The following LRRC31 variants were observed in gnomAD, a reference collection of about 807,000 sequenced individuals.
The protein encoded by LRRC31 is leucine-rich repeat-containing protein 31.
Under a neutral mutation model 46.7 loss-of-function variants are expected in LRRC31, and 35 were observed. The ratio of observed to expected loss-of-function variants is 0.75; its 90% confidence interval spans 0.57 to 0.99. The LOEUF (loss-of-function observed/expected upper bound fraction) is 0.99, where lower values mean the gene tolerates loss of function less well. Among genes scored for constraint, LRRC31 ranks in the 50% least tolerant of loss-of-function variants. LRRC31 has a pLI of 0.00. For synonymous variants in LRRC31, 236 were observed against 235.1 expected (o/e 1.00, Z -0.03); for missense variants, 613 against 626.1 (o/e 0.98, Z 0.22).
chr3:169,848,382 A>C (rs1780666349), intron 7 of LRRC31, 95 bp from the exon 8 acceptor site: 7 of 1,121,340 alleles, frequency 6.2e-6, no homozygotes, highest in Non-Finnish European at 7.6e-6. Context: ...CAACACATGA[A>C]TATAACTGGG....
intron 8 of LRRC31, among the ~76,000 whole-genome samples, chr3:169,847,299 C>T (rs1189364295): frequency 6.6e-6 from 1 of 152,224 alleles, no homozygotes; most frequent in African/African-American, 2.4e-5. Flanking sequence ...GATTCTCCTG[C>T]CTCAGCCTCC....
Position 169,856,831 on chromosome 3 carries a change from A to C in LRRC31, c.529T>G (p.Leu177Val). ...CCTCCCACTTTACTGTTCCAAGACA[A>C]ATTTAGCTCTTCAAGTTCAGGAATC... ...EMIPELEELN[L>V]SWNSKVGGNL... The change falls in exon 4 of 9, where the codon TTG (leucine) becomes GTG (valine). Residue 177 changes from leucine to valine, a missense_variant. By Grantham distance (32) the Leu-to-Val change is conservative. Coordinates refer to ENST00000316428, the MANE Select transcript of LRRC31 (RefSeq NM_024727.4). 1.9e-6 allele frequency: 3 copies of C among 1,608,896 alleles called. No individual in the cohort carries two copies. Among genetic ancestry groups the C allele is most frequent in the Non-Finnish European group, 2.5e-6 (3 of 1,177,788 alleles).
chr3:169,856,905 C>T, intron 3 of LRRC31, 33 bp from the exon 4 acceptor site: 2 of 1,576,492 alleles, frequency 1.3e-6, no homozygotes, highest in Non-Finnish European at 1.7e-6. Context: ...TTCTGTTGGT[C>T]ACTAGTCAGA....
intron 1 of LRRC31, among the ~76,000 whole-genome samples, chr3:169,864,331 C>A (rs556869152): frequency 6.6e-6 from 1 of 152,188 alleles, no homozygotes; most frequent in African/African-American, 2.4e-5. Flanking sequence ...CAACAATAAC[C>A]TACAAACTGA....
chr3:169,848,094 C>T lies in LRRC31; in HGVS notation c.1327+26G>A, dbSNP rs202065755. 4.4e-6 allele frequency: 7 copies of T among 1,598,986 alleles called. No individual in the cohort carries two copies. In the Admixed American group the frequency reaches 5.0e-5, roughly 12 times the overall value. ...GCACCCACTGCTCTGTTTGCCAAGA[C>T]CGCTTGGGAACAAGTAGATACACAC... is the stretch of plus-strand genomic sequence containing the variant. On this transcript the variant is annotated intron_variant, in intron 8 of 8. Coordinates refer to ENST00000316428, the MANE Select transcript of LRRC31 (RefSeq NM_024727.4).
intron 8 of LRRC31, among the ~76,000 whole-genome samples, chr3:169,843,308 G>A (rs1326214565): frequency 3.3e-5 from 5 of 152,130 alleles, no homozygotes; most frequent in Non-Finnish European, 7.4e-5. Context: ...GCAAGAAAAC[G>A]GGACCCTCAG....
At chr3:169,848,394 T>A in intron 7 of LRRC31, 107 bp from the exon 8 acceptor site, 1 of 961,852 alleles carries the variant, frequency 1.0e-6, no homozygotes, top group South Asian at 1.9e-5. Context: ...ATAACTGGGG[T>A]TGAGAAAGTT....
At position 169,858,190 on chromosome 3, in the gene LRRC31, C is replaced by T. The variant is rs149963210; in HGVS notation, c.488-1318G>A. ...GATAGAGTATGGGTGATAGGTAAGC[C>T]CCTCCTGATGGGAGAGGATGCAGAA... On this transcript the variant is annotated intron_variant, in intron 3 of 8. Coordinates refer to ENST00000316428, the MANE Select transcript of LRRC31 (RefSeq NM_024727.4). 1.8e-3 allele frequency among the ~76,000 whole-genome samples: 269 copies of T among 152,232 alleles called. 4 individuals are homozygous for T. The highest frequency in any genetic ancestry group is 6.3e-3 in the African/African-American group (263 of 41,534).
At position 169,867,051 on chromosome 3, in the gene LRRC31, G is replaced by GT. The variant is rs1426034836; in HGVS notation, c.175+2581dup. 1.1e-3 allele frequency among the ~76,000 whole-genome samples: 108 copies of GT among 97,502 alleles called. 2 individuals carry two copies. Among genetic ancestry groups the GT allele is most frequent in the African/African-American group, 9.0e-3 (105 of 11,614 alleles). 64.0% of individuals were successfully genotyped at this position (97,502 alleles called of 152,430 possible). A position where few individuals can be genotyped will look rare whatever the true frequency, so the allele number is the denominator to read the frequency against. The stretch of plus-strand genomic sequence containing the variant: ...AATTGGCCATGGGTTTTTTTTGTTT[G>GT]TTTGTTTGTTTTTTTTTTTTTGAGG... On this transcript the variant is annotated intron_variant, in intron 1 of 8. Transcript: ENST00000316428.
intron 7 of LRRC31, among the ~76,000 whole-genome samples, chr3:169,850,310 G>A (rs542168104): frequency 5.9e-5 from 9 of 152,224 alleles, no homozygotes; most frequent in East Asian, 1.9e-4. Context: ...TGCTCAGCTC[G>A]AGTATTTTGC....
intron 6 of LRRC31, among the ~76,000 whole-genome samples, chr3:169,852,097 T>A (rs1780793846): frequency 6.6e-6 from 1 of 152,034 alleles, no homozygotes; most frequent in Admixed American, 6.6e-5. Context: ...TTCTCAACTC[T>A]AATACTCTTA....
intron 8 of LRRC31, among the ~76,000 whole-genome samples, chr3:169,847,474 C>T (rs1273316090): frequency 6.6e-6 from 1 of 152,208 alleles, no homozygotes; most frequent in Non-Finnish European, 1.5e-5. Flanking sequence ...CGTGAGCCAC[C>T]GTGCCCAGAC....
intron 6 of LRRC31, 39 bp from the exon 7 acceptor site, chr3:169,851,825 T>C (rs1215287425): frequency 1.7e-5 from 27 of 1,599,748 alleles, no homozygotes; most frequent in Non-Finnish European, 2.3e-5. Context: ...TTAGGCACCA[T>C]CTCACAGGGA....
chr3:169,862,823 G>A (rs2108226868), intron 1 of LRRC31, among the ~76,000 whole-genome samples: 1 of 151,952 alleles, frequency 6.6e-6, no homozygotes, highest in Middle Eastern at 3.4e-3. Flanking sequence ...ATTTTATTGA[G>A]CACCTGTTAT....
At chr3:169,861,070 C>CTTTTTTTTTTTTT (rs11337221) in intron 2 of LRRC31, among the ~76,000 whole-genome samples, 3 of 125,012 alleles carry the variant, frequency 2.4e-5, no homozygotes, top group African/African-American at 9.1e-5. Context: ...TTTTCTTTTC[C>CTTTTTTTTTTTTT]TTTTTTTTTT....
Position 169,856,844 on chromosome 3 carries a change from A to G in LRRC31, c.516T>C (p.Leu172=). 1 of 1,610,456 alleles carries G rather than the reference A, an allele frequency of 6.2e-7. No individual in the cohort carries two copies. The highest frequency in any genetic ancestry group is 2.2e-5 in the East Asian group (1 of 44,682). The part of the protein sequence containing the change: ...LGEAFEMIPE[L]EELNLSWNSK... ...TGTTCCAAGACAAATTTAGCTCTTC[A>G]AGTTCAGGAATCATCTCAAATGCTT... Residue 172 remains leucine (L), a synonymous_variant, in exon 4 of 9, where the codon CTT becomes CTC. Transcript: ENST00000316428.
Position 169,853,656 on chromosome 3 carries a change from A to G in LRRC31, c.991+1157T>C, listed in dbSNP as rs1387380278. ...ATAATGCTCCACGCAAAGCTCAAAA[A>G]GGGATTATTTTGTCATTTTAAAATC... On this transcript the variant is annotated intron_variant, in intron 6 of 8. Coordinates refer to ENST00000316428, the MANE Select transcript of LRRC31 (RefSeq NM_024727.4). 3.0e-6 allele frequency: 3 copies of G among 985,660 alleles called. No individual in the cohort carries two copies. In the African/African-American group the frequency reaches 5.2e-5, roughly 17 times the overall value. The allele number at this position is 985,660 out of a possible 1,614,324, so 61.1% of individuals were successfully genotyped here. A position where few individuals can be genotyped will look rare whatever the true frequency, so the allele number is the denominator to read the frequency against.
intron 3 of LRRC31, among the ~76,000 whole-genome samples, chr3:169,858,771 A>C (rs2108219888): frequency 6.6e-6 from 1 of 152,312 alleles, no homozygotes; most frequent in East Asian, 1.9e-4. Flanking sequence ...TGGGAGGCCA[A>C]GGCGGGCAGA....
Position 169,858,192 on chromosome 3 carries a change from C to T in LRRC31, c.488-1320G>A, listed in dbSNP as rs554538470. On this transcript the variant is annotated intron_variant, in intron 3 of 8. Transcript: ENST00000316428. ...TAGAGTATGGGTGATAGGTAAGCCC[C>T]TCCTGATGGGAGAGGATGCAGAAGT... Among the ~76,000 whole-genome samples the T allele has an allele frequency of 5.9e-5, 9 of 152,280 alleles. No homozygotes were observed. In the South Asian group the frequency reaches 1.9e-3, roughly 32 times the overall value.
Sources: allele counts gnomAD v4.1 joint callset (sites outside exome capture counted in the v4.1 genomes callset), GRCh38; gene constraint gnomAD v4.1.1; transcripts MANE v1.5; gene names NCBI Gene and HGNC (gene_info 2026-07-23, HGNC 2026-07-21).